The following P2RX6 variants were observed in gnomAD, a reference collection of about 807,000 sequenced individuals.
P2RX6 encodes the protein P2X purinoceptor 6.
Under a neutral mutation model 54.2 loss-of-function variants are expected in P2RX6, and 62 were observed. The ratio of observed to expected loss-of-function variants is 1.14; its 90% CI spans 0.93 to 1.41. The LOEUF (loss-of-function observed/expected upper bound fraction) is 1.41. P2RX6 is among the 40% of genes most tolerant of loss of function. P2RX6 has a pLI of 0.00. For missense variants in P2RX6, 541 were observed against 566.3 expected, an observed-to-expected ratio of 0.96 and a Z score of 0.45; for synonymous variants, 211 against 231.9, an observed-to-expected ratio of 0.91 and a Z score of 0.82.
At chr22:21,016,757 G>T (rs974054386) in intron 2 of P2RX6, among the ~76,000 whole-genome samples, 2 of 152,004 alleles carry the variant, frequency 1.3e-5, no homozygotes, top group African/African-American at 4.8e-5. Flanking sequence ...CTACGGTCAG[G>T]TGCTGCTCCT....
chr22:21,015,928 C>T lies in P2RX6; in HGVS notation c.165-14C>T. ...GCTGGGGACACACCACACTGCCCGA[C>T]TTCTCCTCCCCAGGTGGGCTCTCCT... On this transcript the variant is annotated splice_polypyrimidine_tract_variant and intron_variant, in intron 1 of 11. Coordinates refer to ENST00000413302, the MANE Select transcript of P2RX6 (RefSeq NM_005446.5). 6.5e-7 allele frequency: 1 copy of T among 1,549,286 alleles called. No homozygotes were observed. Among genetic ancestry groups the T allele is most frequent in the Non-Finnish European group, 8.7e-7 (1 of 1,146,654 alleles).
Position 21,022,750 on chromosome 22 carries a change from CG to C in P2RX6, c.463+1del, listed in dbSNP as rs1282799255. ...AAGGGGAGGGAGGCACACACAGCCA[CG>C]GTAACTGTGGGCTCTGTCTTCCAGT... Reference protein sequence around the residue: ...PEGEGGTHSHGVKTGQCVVFN... With the variant: ...PEGEGGTHSHXVKTGQCVVFN... On this transcript the variant is annotated frameshift_variant and splice_region_variant, in exon 4 of 12. Coordinates refer to ENST00000413302, the MANE Select transcript of P2RX6 (RefSeq NM_005446.5). LOFTEE classifies it high-confidence loss of function. The C allele has an allele frequency of 1.8e-5, 28 of 1,566,030 alleles. No homozygotes were observed. The highest frequency in any genetic ancestry group is 2.4e-5 in the Non-Finnish European group (28 of 1,158,164).
chr22:21,018,672 G>A (rs1926843842), intron 3 of P2RX6: 1 of 154,998 alleles, frequency 6.5e-6, no homozygotes, highest in African/African-American at 2.4e-5. Context: ...GGAGTGCAGT[G>A]GCAGATATCA....
upstream of P2RX6, chr22:21,015,103 C>T: frequency 1.1e-6 from 1 of 929,280 alleles, no homozygotes. Flanking sequence ...CCTTTAACAG[C>T]AACTGGCCTG....
rs764348736 is a variant in P2RX6, at chr22:21,023,644, C to CA, written c.890+27dup. The CA allele has an allele frequency of 8.9e-5, 135 of 1,517,900 alleles. No individual in the cohort carries two copies. The South Asian group carries it at 1.3e-3, about 15-fold the overall frequency. 94.0% of individuals were successfully genotyped at this position (1,517,900 alleles called of 1,614,324 possible). ...GTGAGGCCCCACTGCTCCCAGTGCC[C>CA]AGCTGCTGGGCCCATCGCCCTCTCA... On this transcript the variant is annotated intron_variant, in intron 8 of 11. Coordinates refer to ENST00000413302, the MANE Select transcript of P2RX6 (RefSeq NM_005446.5).
At chr22:21,020,875 C>T (rs1393600185) in intron 3 of P2RX6, among the ~76,000 whole-genome samples, 3 of 150,908 alleles carry the variant, frequency 2.0e-5, no homozygotes, top group Admixed American at 6.6e-5. Context: ...TACAGGTGTG[C>T]CAGGCCAAGC....
chr22:21,017,007 C>T (rs1419428425), intron 2 of P2RX6, among the ~76,000 whole-genome samples: 2 of 152,188 alleles, frequency 1.3e-5, no homozygotes, highest in African/African-American at 4.8e-5. Flanking sequence ...CAGCCAGACC[C>T]GTGACTCACC....
chr22:21,014,810 C>A (rs1362049815), upstream of P2RX6, among the ~76,000 whole-genome samples: 1 of 152,168 alleles, frequency 6.6e-6, no homozygotes, highest in East Asian at 1.9e-4. Flanking sequence ...GAGGTCACTT[C>A]TTCCGGAAGC....
chr22:21,023,326 T>A lies in P2RX6; in HGVS notation c.690T>A (p.Tyr230Ter). The A allele has an allele frequency of 6.2e-7, 1 of 1,614,002 alleles. No individual in the cohort carries two copies. Among genetic ancestry groups the A allele is most frequent in the Non-Finnish European group, 8.5e-7 (1 of 1,179,888 alleles). Reference sequence around the variant, plus strand: ...CCACCTATTTTAAGCACTGCCGCTATGAACCACAATTCAGCCCCTACTGTC... The same window carrying A: ...CCACCTATTTTAAGCACTGCCGCTAAGAACCACAATTCAGCCCCTACTGTC... ...WDPTYFKHCR[Y>*]EPQFSPYCPV... Residue 230 changes from tyrosine to a stop codon, truncating the protein, a stop_gained, in exon 7 of 12, where the codon TAT (tyrosine) becomes TAA (stop). Coordinates refer to ENST00000413302, the MANE Select transcript of P2RX6 (RefSeq NM_005446.5). LOFTEE classifies it high-confidence loss of function.
chr22:21,026,668 TG>T lies in P2RX6; in HGVS notation c.*55del. ...GGGCTGGGAAGGGCGGGGCCCTGCC[TG>T]GGGATCTCAAGGATGAGGCCCCAGC... On this transcript the variant is annotated 3_prime_UTR_variant, in exon 12 of 12. Coordinates refer to ENST00000413302, the MANE Select transcript of P2RX6 (RefSeq NM_005446.5). The surrounding 1 kb of genome is among the most constrained non-coding windows in gnomAD (Gnocchi z 4.0). 2 of 1,530,506 alleles carry T rather than the reference TG, an allele frequency of 1.3e-6. No homozygotes were observed. Among genetic ancestry groups the T allele is most frequent in the Non-Finnish European group, 1.8e-6 (2 of 1,134,928 alleles). 94.8% of individuals were successfully genotyped at this position (1,530,506 alleles called of 1,614,324 possible). A position where few individuals can be genotyped will look rare whatever the true frequency, so the allele number is the denominator to read the frequency against.
intron 8 of P2RX6, among the ~76,000 whole-genome samples, chr22:21,024,234 C>T (rs868710827): frequency 1.4e-4 from 21 of 151,384 alleles, no homozygotes; most frequent in African/African-American, 5.1e-4. Context: ...GCTAGGATTA[C>T]AGACGTAAAC....
upstream of P2RX6, chr22:21,014,092 G>A (rs1170534133): frequency 6.7e-6 from 1 of 149,616 alleles, no homozygotes; most frequent in Non-Finnish European, 1.5e-5. Context: ...CCGTCTCTAG[G>A]TCGGAGTCTG....
chr22:21,026,587 C>T lies in P2RX6; in HGVS notation c.1296C>T (p.Thr432=), dbSNP rs766530200. 1 of 1,589,660 alleles carries T rather than the reference C, an allele frequency of 6.3e-7. No homozygotes were observed. Among genetic ancestry groups the T allele is most frequent in the Non-Finnish European group, 8.6e-7 (1 of 1,169,092 alleles). The change falls in exon 12 of 12, where the codon ACC becomes ACT. Residue 432 remains threonine (T), a synonymous_variant. Coordinates refer to ENST00000413302, the MANE Select transcript of P2RX6 (RefSeq NM_005446.5). The surrounding 1 kb of genome is among the most constrained non-coding windows in gnomAD (Gnocchi z 4.0). ...TPGWPCPSSD[T]HLPTHSGSL ...GATGGCCCTGTCCAAGTTCTGACAC[C>T]CACTTGCCAACCCATTCCGGGAGCC...
At chr22:21,016,862 C>G (rs558308826) in intron 2 of P2RX6, among the ~76,000 whole-genome samples, 1 of 152,248 alleles carries the variant, frequency 6.6e-6, no homozygotes, top group East Asian at 1.9e-4. Flanking sequence ...GGGTGTATTC[C>G]CAGTGATCAC....
rs2006843 is a variant in P2RX6 at position 21,015,252 on chromosome 22, G to A, written c.78G>A (p.Lys26=). The A allele has an allele frequency of 9.1e-6, 14 of 1,540,864 alleles. No homozygotes were observed. Among genetic ancestry groups the A allele is most frequent in the Non-Finnish European group, 1.0e-5 (12 of 1,154,372 alleles). The part of the protein sequence containing the change: ...ATTGWGLLDY[K]TEKYVMTRNW... ...CAGGCTGGGGGCTTCTGGATTATAA[G>A]ACGGAGAAGTATGTGATGACCAGGA... Residue 26 remains lysine, a synonymous_variant, in exon 1 of 12, where the codon AAG becomes AAA. Transcript: ENST00000413302.
rs760771737 is a variant in P2RX6, at chr22:21,022,798, G to A, written c.463+47G>A. On this transcript the variant is annotated intron_variant, in intron 4 of 11. Transcript: ENST00000413302. ...CAGTGCCCCCAGCAGGGTGGGGGCC[G>A]GGCTGGGATCCTGGGTGGCTCCTGA... 4.1e-5 allele frequency: 61 copies of A among 1,501,354 alleles called. 2 individuals are homozygous for A. In the Admixed American group the frequency reaches 4.3e-4, roughly 10 times the overall value. The allele number at this position is 1,501,354 out of a possible 1,614,324, so 93.0% of individuals were successfully genotyped here. A position where few individuals can be genotyped will look rare whatever the true frequency, so the allele number is the denominator to read the frequency against.
chr22:21,025,900 T>G lies in P2RX6; in HGVS notation c.984+2T>G. On this transcript the variant is annotated splice_donor_variant, in intron 9 of 11. Coordinates refer to ENST00000413302, the MANE Select transcript of P2RX6 (RefSeq NM_005446.5). LOFTEE classifies it high-confidence loss of function. The stretch of plus-strand genomic sequence containing the variant: ...TTCGACATCCTCGTCACCGGGCAGG[T>G]AGGCACAGGTAGGGGTCAGGCCGGG... 1 of 1,578,020 alleles carries G rather than the reference T, an allele frequency of 6.3e-7. No homozygotes were observed. Among genetic ancestry groups the G allele is most frequent in the Non-Finnish European group, 8.6e-7 (1 of 1,162,294 alleles).
Position 21,026,735 on chromosome 22 carries a change from A to G in P2RX6, c.*118A>G, listed in dbSNP as rs1928532718. 6.8e-7 allele frequency: 1 copy of G among 1,462,166 alleles called. No individual in the cohort carries two copies. Among genetic ancestry groups the G allele is most frequent in the African/African-American group, 1.4e-5 (1 of 70,754 alleles). 90.6% of individuals were successfully genotyped at this position (1,462,166 alleles called of 1,614,324 possible). On this transcript the variant is annotated 3_prime_UTR_variant, in exon 12 of 12. Coordinates refer to ENST00000413302, the MANE Select transcript of P2RX6 (RefSeq NM_005446.5). The surrounding 1 kb of genome is among the most constrained non-coding windows in gnomAD (Gnocchi z 4.0). ...TAGAATTCCACCCTTGAACCCCAGC[A>G]GACAGTCCCTCCCCTGACTCCCACC...
chr22:21,016,923 CAATT>C (rs1926503103), intron 2 of P2RX6, among the ~76,000 whole-genome samples: 1 of 152,146 alleles, frequency 6.6e-6, no homozygotes, highest in South Asian at 2.1e-4. Flanking sequence ...GTCCAAAGAT[CAATT>C]ATTTTCCTCT....
Sources: allele counts gnomAD v4.1 joint callset (sites outside exome capture counted in the v4.1 genomes callset), GRCh38; gene constraint gnomAD v4.1.1; non-coding constraint Gnocchi (gnomAD v3.1); transcripts MANE v1.5; gene names NCBI Gene and HGNC (gene_info 2026-07-23, HGNC 2026-07-21).